The following SIPA1L1 variants were observed in gnomAD, a reference collection of about 807,000 sequenced individuals.
SIPA1L1 encodes the protein signal induced proliferation associated 1 like 1.
In SIPA1L1, 26 loss-of-function variants were observed where a neutral mutation model predicts 162.7. That is an observed-to-expected ratio of 0.16 (90% confidence interval 0.12 to 0.22). SIPA1L1 has a LOEUF of 0.22. Among genes scored for constraint, SIPA1L1 ranks in the 10% least tolerant of loss-of-function variants. The pLI, the probability that SIPA1L1 is intolerant of heterozygous loss-of-function variation, is 1.00. For missense variants in SIPA1L1, 1,874 were observed against 2,241.0 expected (o/e 0.84, Z 3.31); for synonymous variants, 829 against 837.4 (o/e 0.99, Z 0.17).
intron 2 of SIPA1L1, among the ~76,000 whole-genome samples, chr14:71,388,623 A>G (rs547544310): frequency 1.1e-4 from 16 of 152,308 alleles, no homozygotes; most frequent in Non-Finnish European, 2.2e-4. Flanking sequence ...TAGGATCCGC[A>G]TGGATAGAGA....
intron 2 of SIPA1L1, among the ~76,000 whole-genome samples, chr14:71,457,978 T>C (rs2046312759): frequency 6.6e-6 from 1 of 152,152 alleles, no homozygotes; most frequent in South Asian, 2.1e-4. Flanking sequence ...TGTAACCTTT[T>C]CCCCCCAGTT....
intron 2 of SIPA1L1, among the ~76,000 whole-genome samples, chr14:71,470,898 C>T (rs2047399462): frequency 6.6e-6 from 1 of 152,040 alleles, no homozygotes; most frequent in Non-Finnish European, 1.5e-5. Flanking sequence ...AGTGCAGTGG[C>T]TTGATCACGG....
chr14:71,672,723 A>G, intron 12 of SIPA1L1, 101 bp downstream of exon 12: 1 of 1,257,294 alleles, frequency 8.0e-7, no homozygotes, highest in Non-Finnish European at 1.1e-6. Context: ...TGTTGTGAAG[A>G]ACAATAGGTT....
intron 2 of SIPA1L1, among the ~76,000 whole-genome samples, chr14:71,370,659 G>T (rs1340068147): frequency 2.6e-5 from 4 of 152,118 alleles, no homozygotes; most frequent in African/African-American, 9.7e-5. Context: ...ATTTCTTCAT[G>T]TGGGTGTTAC....
intron 12 of SIPA1L1, among the ~76,000 whole-genome samples, chr14:71,680,767 AAC>A (rs1419102086): frequency 6.6e-6 from 1 of 152,252 alleles, no homozygotes; most frequent in Non-Finnish European, 1.5e-5. Flanking sequence ...ATCCCACAGA[AAC>A]ACAAACTATC....
chr14:71,679,838 GC>G, intron 12 of SIPA1L1, among the ~76,000 whole-genome samples: 1 of 152,224 alleles, frequency 6.6e-6, no homozygotes, highest in Middle Eastern at 3.4e-3. Flanking sequence ...GACAAAGAAG[GC>G]CATTACATAA....
At chr14:71,343,642 C>A (rs567869823) in intron 2 of SIPA1L1, among the ~76,000 whole-genome samples, 1 of 151,992 alleles carries the variant, frequency 6.6e-6, no homozygotes, top group South Asian at 2.1e-4. Flanking sequence ...AAAATGGCTT[C>A]TAAAAACAAG....
chr14:71,649,455 G>T (rs1386969083), intron 7 of SIPA1L1, among the ~76,000 whole-genome samples: 1 of 152,080 alleles, frequency 6.6e-6, no homozygotes, highest in Non-Finnish European at 1.5e-5. Flanking sequence ...GCCTCCCAAA[G>T]TGCTGGGATT....
chr14:71,708,039 T>G (rs541715804), intron 16 of SIPA1L1, among the ~76,000 whole-genome samples: 19 of 149,340 alleles, frequency 1.3e-4, no homozygotes, highest in African/African-American at 3.7e-4. Flanking sequence ...GTTTTTTTTT[T>G]TTTTTTTGGA....
At chr14:71,450,847 T>G (rs2045763902) in intron 2 of SIPA1L1, among the ~76,000 whole-genome samples, 1 of 152,020 alleles carries the variant, frequency 6.6e-6, no homozygotes, top group Non-Finnish European at 1.5e-5. Flanking sequence ...AATATGGAGG[T>G]TCCTTAAATT....
chr14:71,428,371 T>C (rs553125419), intron 2 of SIPA1L1, among the ~76,000 whole-genome samples: 1 of 143,638 alleles, frequency 7.0e-6, no homozygotes, highest in Non-Finnish European at 1.5e-5. Context: ...TGATTTGCGG[T>C]TTTTTTTTTC....
chr14:71,595,357 G>A (rs1479333592), intron 5 of SIPA1L1, among the ~76,000 whole-genome samples: 4 of 152,088 alleles, frequency 2.6e-5, no homozygotes, highest in Non-Finnish European at 2.9e-5. Flanking sequence ...AGTTGAAACC[G>A]GTAGCTACCA....
chr14:71,733,714 G>A lies in SIPA1L1; in HGVS notation c.4910G>A (p.Arg1637His), dbSNP rs1171340179. ...TCCCTCACTGACATCCAGGAGACCC[G>A]CAGGCAGCCTATGCCCGACCCTGGC... ...DSSLTDIQETRRQPMPDPGLM... is the reference protein window; with the variant it reads ...DSSLTDIQETHRQPMPDPGLM... The change falls in exon 21 of 24, where the codon CGC becomes CAC. Residue 1637 changes from arginine to histidine, a missense_variant. Physicochemically the swap from Arg to His is conservative, Grantham distance 29. This residue lies in a region of SIPA1L1 where 936 missense variants were observed against 1,051.9 expected (regional missense o/e 0.89). Coordinates refer to ENST00000381232, the MANE Select transcript of SIPA1L1 (RefSeq NM_001386936.1). 1.2e-6 allele frequency: 2 copies of A among 1,613,902 alleles called. No individual in the cohort carries two copies. The highest frequency in any genetic ancestry group is 1.7e-6 in the Non-Finnish European group (2 of 1,180,016).
chr14:71,454,954 C>T (rs1352262267), intron 2 of SIPA1L1, among the ~76,000 whole-genome samples: 1 of 152,262 alleles, frequency 6.6e-6, no homozygotes, highest in Middle Eastern at 3.4e-3. Context: ...TACACTTTCA[C>T]GGATACTGTA....
rs1234581343 is a variant in SIPA1L1, at chr14:71,724,739, A to G, written c.4518A>G (p.Ala1506=). ...RLRASTRDLR[A]SPKPTSKSTI... ...GTGCCTCAACCAGAGACCTCCGGGC[A>G]TCTCCTAAGCCAACCTCCAAGTCCA... is the stretch of plus-strand genomic sequence containing the variant. The change falls in exon 19 of 24, where the codon GCA becomes GCG. Residue 1506 remains alanine (A), a synonymous_variant. Transcript: ENST00000381232. The G allele has an allele frequency of 1.9e-6, 3 of 1,614,076 alleles. No homozygotes were observed. Among genetic ancestry groups the G allele is most frequent in the African/African-American group, 1.3e-5 (1 of 74,930 alleles).
intron 2 of SIPA1L1, among the ~76,000 whole-genome samples, chr14:71,402,973 G>A (rs1044645023): frequency 6.6e-6 from 1 of 152,044 alleles, no homozygotes; most frequent in African/African-American, 2.4e-5. Context: ...TTTGGAATAG[G>A]TAGCCATCTT....
At chr14:71,554,521 G>A (rs2056171663) in intron 4 of SIPA1L1, among the ~76,000 whole-genome samples, 1 of 152,114 alleles carries the variant, frequency 6.6e-6, no homozygotes, top group South Asian at 2.1e-4. Context: ...CTGTGAAACC[G>A]AAGATGTTCT....
chr14:71,707,230 T>C (rs2082518167), intron 16 of SIPA1L1, among the ~76,000 whole-genome samples: 1 of 152,112 alleles, frequency 6.6e-6, no homozygotes, highest in Non-Finnish European at 1.5e-5. Flanking sequence ...TAAAATATTA[T>C]TTTATTCAGA....
At chr14:71,578,394 C>T (rs2033436794) in intron 4 of SIPA1L1, among the ~76,000 whole-genome samples, 1 of 152,092 alleles carries the variant, frequency 6.6e-6, no homozygotes, top group Admixed American at 6.6e-5. Context: ...TCTCTATGCT[C>T]TTTCTTCATT....
Sources: allele counts gnomAD v4.1 joint callset (sites outside exome capture counted in the v4.1 genomes callset), GRCh38; gene constraint gnomAD v4.1.1; regional missense constraint gnomAD v4.1.1; transcripts MANE v1.5; gene names NCBI Gene and HGNC (gene_info 2026-07-23, HGNC 2026-07-21).